Variants in RGS21 observed in about 807,000 individuals in gnomAD.
RGS21 encodes the protein regulator of G-protein signalling 21.
A neutral mutation model predicts 18.7 loss-of-function variants in RGS21; 19 were observed. The observed-to-expected ratio is 1.01, with a 90% CI of 0.71 to 1.49. RGS21 has a LOEUF of 1.49. Among genes scored for constraint, RGS21 ranks in the 40% most tolerant of loss-of-function variants. The pLI, the probability that RGS21 is intolerant of heterozygous loss-of-function variation, is 0.00. For synonymous variants in RGS21, 56 were observed against 57.8 expected (o/e 0.97, Z 0.14); for missense variants, 194 against 176.8 (o/e 1.10, Z -0.55).
chr1:192,351,052 T>A (rs1176862840), intron 3 of RGS21, among the ~76,000 whole-genome samples: 1 of 152,168 alleles, frequency 6.6e-6, no homozygotes, highest in Admixed American at 6.6e-5. Flanking sequence ...AAAGTAAACA[T>A]GCCTGTGAAT....
chr1:192,347,480 T>C (rs1397114909), intron 3 of RGS21, 91 bp downstream of exon 3: 1 of 642,266 alleles, frequency 1.6e-6, no homozygotes, highest in African/African-American at 1.9e-5. Flanking sequence ...AAAGTATGAG[T>C]TTAATCAATG....
At chr1:192,317,982 A>G (rs1490556128) in intron 1 of RGS21, among the ~76,000 whole-genome samples, 1 of 152,060 alleles carries the variant, frequency 6.6e-6, no homozygotes, top group Non-Finnish European at 1.5e-5. Flanking sequence ...GTATTATAGT[A>G]TATGTATAAC....
intron 3 of RGS21, among the ~76,000 whole-genome samples, chr1:192,350,365 G>T (rs993221647): frequency 6.6e-6 from 1 of 152,144 alleles, no homozygotes; most frequent in Non-Finnish European, 1.5e-5. Flanking sequence ...TTTGCATTCT[G>T]CAGGCAGCAG....
chr1:192,347,414 T>C (rs759560840), intron 3 of RGS21, 25 bp downstream of exon 3: 1 of 1,030,418 alleles, frequency 9.7e-7, no homozygotes, highest in Non-Finnish European at 1.5e-6. Flanking sequence ...ATAATAGGCT[T>C]AAAATACAAT....
intron 3 of RGS21, among the ~76,000 whole-genome samples, chr1:192,348,897 T>C (rs181900772): frequency 2.6e-5 from 4 of 152,264 alleles, no homozygotes; most frequent in Admixed American, 6.5e-5. Flanking sequence ...AAAGTTAGAA[T>C]GACTTAGATG....
At chr1:192,353,364 T>C (rs1317072307) in intron 4 of RGS21, among the ~76,000 whole-genome samples, 1 of 151,932 alleles carries the variant, frequency 6.6e-6, no homozygotes, top group Non-Finnish European at 1.5e-5. Context: ...CTTTAACTCC[T>C]GTAGAGCTAT....
intron 1 of RGS21, among the ~76,000 whole-genome samples, chr1:192,335,802 G>A (rs1202401399): frequency 6.6e-6 from 1 of 152,144 alleles, no homozygotes; most frequent in African/African-American, 2.4e-5. Flanking sequence ...GAAATTTCAT[G>A]AACAGAAGTA....
At chr1:192,350,880 C>G (rs1474486689) in intron 3 of RGS21, among the ~76,000 whole-genome samples, 1 of 152,042 alleles carries the variant, frequency 6.6e-6, no homozygotes, top group Non-Finnish European at 1.5e-5. Flanking sequence ...AAGGAAAGGT[C>G]TAAACAAGTG....
At chr1:192,357,070 T>C (rs1371719678) in intron 4 of RGS21, among the ~76,000 whole-genome samples, 1 of 151,872 alleles carries the variant, frequency 6.6e-6, no homozygotes, top group East Asian at 1.9e-4. Flanking sequence ...TCCATGAGTG[T>C]CCTAACAAGG....
intron 4 of RGS21, among the ~76,000 whole-genome samples, chr1:192,361,827 A>T (rs1227778550): frequency 1.3e-5 from 2 of 152,268 alleles, no homozygotes; most frequent in South Asian, 2.1e-4. Flanking sequence ...AATTACAGGC[A>T]TGAGCCACCA....
intron 2 of RGS21, 22 bp downstream of exon 2, chr1:192,343,069 T>C (rs1043320910): frequency 6.2e-7 from 1 of 1,610,030 alleles, no homozygotes. Context: ...TTTCCAGCTA[T>C]TTTTATCTCA....
At chr1:192,338,115 C>T (rs962695108) in intron 1 of RGS21, among the ~76,000 whole-genome samples, 2 of 152,036 alleles carry the variant, frequency 1.3e-5, no homozygotes, top group Non-Finnish European at 2.9e-5. Context: ...GTTATATTTC[C>T]AAGCAGCCAC....
At chr1:192,343,595 G>T (rs1658905498) in intron 2 of RGS21, among the ~76,000 whole-genome samples, 1 of 152,026 alleles carries the variant, frequency 6.6e-6, no homozygotes, top group African/African-American at 2.4e-5. Context: ...GTTCCCATCT[G>T]GCCTGGCTCT....
At chr1:192,354,077 T>A (rs1424535498) in intron 4 of RGS21, among the ~76,000 whole-genome samples, 1 of 151,724 alleles carries the variant, frequency 6.6e-6, no homozygotes, top group Non-Finnish European at 1.5e-5. Flanking sequence ...ATTACACCGA[T>A]TGCAATCTTC....
chr1:192,358,854 C>T (rs918729227), intron 4 of RGS21, among the ~76,000 whole-genome samples: 7 of 151,972 alleles, frequency 4.6e-5, no homozygotes, highest in African/African-American at 1.4e-4. Context: ...TGGTTTGCAT[C>T]GCTTTCAGTT....
chr1:192,343,337 A>G (rs1288478827), intron 2 of RGS21, among the ~76,000 whole-genome samples: 1 of 152,090 alleles, frequency 6.6e-6, no homozygotes, highest in African/African-American at 2.4e-5. Context: ...TTAGAGACAT[A>G]ACATATACAT....
intron 1 of RGS21, among the ~76,000 whole-genome samples, chr1:192,330,497 A>T (rs1399251160): frequency 3.3e-5 from 5 of 152,222 alleles, no homozygotes; most frequent in African/African-American, 9.6e-5. Flanking sequence ...GCAGACATTG[A>T]AAGTCATCTT....
chr1:192,363,243 G>A (rs897617246), intron 4 of RGS21, among the ~76,000 whole-genome samples: 5 of 151,988 alleles, frequency 3.3e-5, no homozygotes, highest in African/African-American at 1.2e-4. Context: ...AGGAAAAGAG[G>A]AATTATTATA....
chr1:192,343,631 G>A (rs991524407), intron 2 of RGS21, among the ~76,000 whole-genome samples: 1 of 152,078 alleles, frequency 6.6e-6, no homozygotes, highest in Non-Finnish European at 1.5e-5. Flanking sequence ...TATGGGTACT[G>A]CTGGCCTTGA....
Sources: allele counts gnomAD v4.1 joint callset (sites outside exome capture counted in the v4.1 genomes callset), GRCh38; gene constraint gnomAD v4.1.1; transcripts MANE v1.5; gene names NCBI Gene and HGNC (gene_info 2026-07-23, HGNC 2026-07-21).